NFIA: variants seen among roughly 807,000 people sequenced by gnomAD.
NFIA encodes the protein nuclear factor I A.
In NFIA, 8 loss-of-function variants were observed where a neutral mutation model predicts 62.8. The observed-to-expected ratio is 0.13, with a 90% CI of 0.07 to 0.23. The LOEUF is 0.23. Ranked by LOEUF, NFIA falls within the 10% of genes least tolerant of loss-of-function variation. The pLI is 1.00. For synonymous variants in NFIA, 235 were observed against 238.1 expected, an observed-to-expected ratio of 0.99 and a Z score of 0.12; for missense variants, 410 against 642.1, an observed-to-expected ratio of 0.64 and a Z score of 3.91.
chr1:61,305,265 G>GA (rs1398239348), intron 3 of NFIA, among the ~76,000 whole-genome samples: 1 of 152,048 alleles, frequency 6.6e-6, no homozygotes, highest in Non-Finnish European at 1.5e-5. Flanking sequence ...GAGGGGATGG[G>GA]AAGGGGTGGC....
Position 61,455,676 on chromosome 1 carries a change from AC to A in NFIA, c.*357del. ...GCTCACTGACTTCCTGTTGTAACAC[AC>A]TTTCCTTACGGAGCCTGGCTGTTTC... On this transcript the variant is annotated 3_prime_UTR_variant, in exon 11 of 11. Coordinates refer to ENST00000403491, the MANE Select transcript of NFIA (RefSeq NM_001134673.4). The A allele has an allele frequency of 2.9e-6, 1 of 339,512 alleles. No individual in the cohort carries two copies. The highest frequency in any genetic ancestry group is 7.3e-5 in the South Asian group (1 of 13,680). The allele number at this position is 339,512 out of a possible 1,614,324, so 21.0% of individuals were successfully genotyped here. A position where few individuals can be genotyped will look rare whatever the true frequency, so the allele number is the denominator to read the frequency against.
intron 2 of NFIA, among the ~76,000 whole-genome samples, chr1:61,150,170 C>G (rs563185828): frequency 6.6e-6 from 1 of 152,292 alleles, no homozygotes; most frequent in African/African-American, 2.4e-5. Context: ...AGCACTGACC[C>G]GTGAGTTATT....
At chr1:61,154,952 T>G (rs1648688812) in intron 2 of NFIA, among the ~76,000 whole-genome samples, 1 of 152,350 alleles carries the variant, frequency 6.6e-6, no homozygotes, top group South Asian at 2.1e-4. Flanking sequence ...ACATTGTTGC[T>G]AAAAGCTTAG....
intron 2 of NFIA, among the ~76,000 whole-genome samples, chr1:61,191,188 A>G (rs1306936081): frequency 6.6e-6 from 1 of 152,076 alleles, no homozygotes; most frequent in Non-Finnish European, 1.5e-5. Context: ...CCATTAAGAG[A>G]TTGGCGATTT....
At chr1:61,122,377 T>C (rs902986102) in intron 2 of NFIA, among the ~76,000 whole-genome samples, 4 of 152,216 alleles carry the variant, frequency 2.6e-5, no homozygotes, top group South Asian at 2.1e-4. Flanking sequence ...GTAAGAGTTA[T>C]ATTGTAAAGT....
chr1:61,352,359 G>A (rs1662590109), intron 4 of NFIA, 91 bp from the exon 5 acceptor site: 2 of 871,434 alleles, frequency 2.3e-6, no homozygotes, highest in East Asian at 4.9e-5. Flanking sequence ...AATGCAAAAA[G>A]AAAATGTGCT....
chr1:61,153,333 C>T (rs993820910), intron 2 of NFIA, among the ~76,000 whole-genome samples: 1 of 152,226 alleles, frequency 6.6e-6, no homozygotes, highest in African/African-American at 2.4e-5. Context: ...AATTATTGAT[C>T]ATGTGGTCTT....
chr1:61,270,756 A>AG (rs1657453609), intron 2 of NFIA, among the ~76,000 whole-genome samples: 2 of 152,216 alleles, frequency 1.3e-5, no homozygotes, highest in African/African-American at 4.8e-5. Context: ...ATAATGTTGC[A>AG]GGGATGGCTT....
rs71582639 is a variant in NFIA at position 61,358,379 on chromosome 1, C to CTTTCTTTTTTTT, written c.819-765_819-764insCTTTTTTTTTTT. On this transcript the variant is annotated intron_variant, in intron 5 of 10. Transcript: ENST00000403491. ...TCATTTTCTTTTCTTTTCTTTCTTT[C>CTTTCTTTTTTTT]TTTTTTTTTTTTTTTTTTTTTTTTT... Among the ~76,000 whole-genome samples the CTTTCTTTTTTTT allele has an allele frequency of 4.2e-3, 222 of 52,652 alleles. 8 individuals are homozygous for CTTTCTTTTTTTT. The highest frequency in any genetic ancestry group is 9.7e-3 in the East Asian group (15 of 1,548). The allele number at this position is 52,652 out of a possible 152,430, so 34.5% of individuals were successfully genotyped here. A position where few individuals can be genotyped will look rare whatever the true frequency, so the allele number is the denominator to read the frequency against.
At chr1:61,198,722 A>G (rs1275497262) in intron 2 of NFIA, among the ~76,000 whole-genome samples, 1 of 152,194 alleles carries the variant, frequency 6.6e-6, no homozygotes, top group Non-Finnish European at 1.5e-5. Context: ...GCTAGCACCT[A>G]GCGCACAAGC....
intron 2 of NFIA, among the ~76,000 whole-genome samples, chr1:61,245,687 G>T (rs1309011389): frequency 1.3e-5 from 2 of 151,814 alleles, no homozygotes; most frequent in African/African-American, 4.8e-5. Context: ...AGACATTTAG[G>T]TTTTTATTTT....
intron 2 of NFIA, among the ~76,000 whole-genome samples, chr1:61,160,519 C>T (rs1473081729): frequency 6.6e-6 from 1 of 152,196 alleles, no homozygotes; most frequent in African/African-American, 2.4e-5. Context: ...GACACTTTCC[C>T]ATCTCCCAGG....
At chr1:61,395,569 A>G (rs1252996232) in intron 7 of NFIA, among the ~76,000 whole-genome samples, 2 of 152,178 alleles carry the variant, frequency 1.3e-5, no homozygotes, top group Admixed American at 6.5e-5. Context: ...TATCGCTTAC[A>G]TGTTACGTAA....
chr1:61,361,390 T>G (rs1246765507), intron 6 of NFIA, among the ~76,000 whole-genome samples: 1 of 152,226 alleles, frequency 6.6e-6, no homozygotes, highest in East Asian at 1.9e-4. Context: ...TGAACCCTTT[T>G]TCAAAGGCTA....
chr1:61,306,119 GGATTACAGGC>G (rs1351951730), intron 3 of NFIA, among the ~76,000 whole-genome samples: 23 of 151,330 alleles, frequency 1.5e-4, no homozygotes, highest in Admixed American at 2.0e-4. Flanking sequence ...CAAAGTGCTG[GGATTACAGGC>G]GTGAGCCACC....
At chr1:61,120,689 A>T (rs989350230) in intron 2 of NFIA, among the ~76,000 whole-genome samples, 1 of 152,216 alleles carries the variant, frequency 6.6e-6, no homozygotes, top group Non-Finnish European at 1.5e-5. Flanking sequence ...GAGGCCTTCT[A>T]CAGTTTGCAT....
chr1:61,256,541 G>A (rs559012610), intron 2 of NFIA, among the ~76,000 whole-genome samples: 81 of 152,124 alleles, frequency 5.3e-4, no homozygotes, highest in South Asian at 1.0e-3. Flanking sequence ...CCCCTGGGCC[G>A]TGGGTTGGAC....
At chr1:61,422,968 A>G (rs1666702255) in intron 9 of NFIA, among the ~76,000 whole-genome samples, 2 of 152,160 alleles carry the variant, frequency 1.3e-5, no homozygotes, top group South Asian at 2.1e-4. Flanking sequence ...GAAGGATTAT[A>G]TAATTAGCAA....
chr1:61,082,193 T>G, upstream of NFIA: 2 of 16,520 alleles, frequency 1.2e-4, no homozygotes, highest in Non-Finnish European at 2.4e-4. Flanking sequence ...AATGCGCTGA[T>G]CGGGGGAGGG....
Sources: allele counts gnomAD v4.1 joint callset (sites outside exome capture counted in the v4.1 genomes callset), GRCh38; gene constraint gnomAD v4.1.1; transcripts MANE v1.5; gene names NCBI Gene and HGNC (gene_info 2026-07-23, HGNC 2026-07-21).